The following SPECC1 variants were observed in gnomAD, a reference collection of about 807,000 sequenced individuals.
The protein encoded by SPECC1 is sperm antigen with calponin homology and coiled-coil domains 1.
Under a neutral mutation model 104.1 loss-of-function variants are expected in SPECC1, and 62 were observed. The observed-to-expected ratio is 0.60, with a 90% CI of 0.49 to 0.74. SPECC1 has a LOEUF of 0.74. Among genes scored for constraint, SPECC1 ranks in the 30% least tolerant of loss-of-function variants. The pLI is 0.00. For missense variants in SPECC1, 1,306 were observed against 1,310.5 expected (o/e 1.00, Z 0.05); for synonymous variants, 513 against 501.6 (o/e 1.02, Z -0.30).
intron 9 of SPECC1, among the ~76,000 whole-genome samples, chr17:20,253,153 A>G (rs926383229): frequency 1.3e-5 from 2 of 151,846 alleles, no homozygotes; most frequent in South Asian, 4.1e-4. Flanking sequence ...TCATATACCT[A>G]TTAACCATTA....
chr17:20,151,794 A>G (rs138381495), intron 3 of SPECC1, among the ~76,000 whole-genome samples: 218 of 152,328 alleles, frequency 1.4e-3, no homozygotes, highest in African/African-American at 5.1e-3. Context: ...CATGCCTGTA[A>G]TCCCAGCACT....
intron 1 of SPECC1, among the ~76,000 whole-genome samples, chr17:20,019,244 A>T (rs1412990810): frequency 6.8e-6 from 1 of 147,848 alleles, no homozygotes; most frequent in Non-Finnish European, 1.5e-5. Flanking sequence ...TTATTTATTT[A>T]TTTATTTATT....
rs373578290 is a variant in SPECC1, at chr17:20,227,460, C to T, written c.1911C>T (p.Ala637=). ...TGAAGGAGATATGTGATCACCAAGC[C>T]GAACAGCTGAGCAGAACCAGCCTAA... ...SYLKEICDHQ[A]EQLSRTSLKL... Residue 637 remains alanine, a synonymous_variant, in exon 5 of 15, where the codon GCC becomes GCT. Coordinates refer to ENST00000395527, the MANE Select transcript of SPECC1 (RefSeq NM_001243439.2). 12 of 1,613,284 alleles carry T rather than the reference C, an allele frequency of 7.4e-6. No homozygotes were observed. The highest frequency in any genetic ancestry group is 1.7e-5 in the Admixed American group (1 of 59,784).
intron 1 of SPECC1, among the ~76,000 whole-genome samples, chr17:20,037,523 G>C (rs2045140926): frequency 6.6e-6 from 1 of 151,198 alleles, no homozygotes; most frequent in Admixed American, 6.6e-5. Flanking sequence ...CTGCAGAGCA[G>C]AGCTACCCAT....
At position 20,247,991 on chromosome 17, in the gene SPECC1, G is replaced by A. The variant is rs144978596; in HGVS notation, c.2598+672G>A. Among the ~76,000 whole-genome samples, 249 of 152,260 alleles carry A rather than the reference G, an allele frequency of 1.6e-3. 1 individual carries two copies. The highest frequency in any genetic ancestry group is 2.7e-3 in the Non-Finnish European group (181 of 68,014). ...AGGAGCTTCTGTTTCTGCCAGAATC[G>A]GGAAGTCTTTCTCTAAGTGCTTACC... On this transcript the variant is annotated intron_variant, in intron 9 of 14. Coordinates refer to ENST00000395527, the MANE Select transcript of SPECC1 (RefSeq NM_001243439.2).
chr17:20,131,793 G>A (rs988171195), intron 3 of SPECC1, among the ~76,000 whole-genome samples: 1 of 151,822 alleles, frequency 6.6e-6, no homozygotes, highest in Admixed American at 6.6e-5. Flanking sequence ...GGGATTACAG[G>A]TGCGCACCAC....
At chr17:20,209,434 C>T (rs1045773843) in intron 4 of SPECC1, among the ~76,000 whole-genome samples, 4 of 152,064 alleles carry the variant, frequency 2.6e-5, no homozygotes, top group African/African-American at 7.2e-5. Flanking sequence ...ACCCAGATAC[C>T]GTCAAAAGAA....
chr17:20,300,776 C>G (rs1463583699), intron 13 of SPECC1, among the ~76,000 whole-genome samples: 1 of 152,210 alleles, frequency 6.6e-6, no homozygotes, highest in East Asian at 1.9e-4. Context: ...TCCCTACATG[C>G]AGGGTTGAAT....
At position 20,317,259 on chromosome 17, in the gene SPECC1, A is replaced by ATTTTTTTTTTTTTTTTTTC. The variant is rs2042053108; in HGVS notation, c.*3212_*3213insCTTTTTTTTTTTTTTTTTT. 2.9e-5 allele frequency: 2 copies of ATTTTTTTTTTTTTTTTTTC among 69,506 alleles called. 1 individual carries two copies. Among genetic ancestry groups the ATTTTTTTTTTTTTTTTTTC allele is most frequent in the Non-Finnish European group, 4.7e-5 (2 of 42,610 alleles). 4.3% of individuals were successfully genotyped at this position (69,506 alleles called of 1,614,324 possible). On this transcript the variant is annotated 3_prime_UTR_variant, in exon 15 of 15. Coordinates refer to ENST00000395527, the MANE Select transcript of SPECC1 (RefSeq NM_001243439.2). Reference sequence around the variant, plus strand: ...GCAAGACCTCTGACTCTATAAAAAAATTTTTTTTTTTTTTTTTTTTTGAGA... The same window carrying ATTTTTTTTTTTTTTTTTTC: ...GCAAGACCTCTGACTCTATAAAAAAATTTTTTTTTTTTTTTTTTCTTTTTTTTTTTTTTTTTTTTTGAGA...
intron 11 of SPECC1, 63 bp from the exon 12 acceptor site, chr17:20,260,127 TTG>T: frequency 7.6e-7 from 1 of 1,307,398 alleles, no homozygotes; most frequent in Non-Finnish European, 1.1e-6. Flanking sequence ...TATTTATTTC[TTG>T]TGTATTTGAG....
chr17:20,146,908 AAAAACAAAAC>A (rs139003926), intron 3 of SPECC1, among the ~76,000 whole-genome samples: 1 of 151,980 alleles, frequency 6.6e-6, no homozygotes, highest in South Asian at 2.1e-4. Flanking sequence ...CTCTGTCTCA[AAAAACAAAAC>A]AAAACAAAAC....
rs1284927225 is a variant in SPECC1 at position 20,204,663 on chromosome 17, C to CT, written c.615dup (p.Asp206Ter). ...AAAAGGACTCTGAACGCTGAGGGGACTGATGCTTTGGGCCCAAATGTCGAT... is the reference window on the plus strand; with the variant it reads ...AAAAGGACTCTGAACGCTGAGGGGACTTGATGCTTTGGGCCCAAATGTCGAT... On this transcript the variant is annotated frameshift_variant, in exon 4 of 15. Coordinates refer to ENST00000395527, the MANE Select transcript of SPECC1 (RefSeq NM_001243439.2). LOFTEE classifies it high-confidence loss of function. 1 of 1,613,860 alleles carries CT rather than the reference C, an allele frequency of 6.2e-7. No homozygotes were observed. The highest frequency in any genetic ancestry group is 1.3e-5 in the African/African-American group (1 of 74,852).
At chr17:20,201,721 A>G (rs2151330878) in intron 3 of SPECC1, among the ~76,000 whole-genome samples, 1 of 152,356 alleles carries the variant, frequency 6.6e-6, no homozygotes, top group African/African-American at 2.4e-5. Context: ...TTATTTCACA[A>G]GAATAATTAA....
At chr17:20,197,457 G>C (rs150647924) in intron 3 of SPECC1, among the ~76,000 whole-genome samples, 57 of 152,096 alleles carry the variant, frequency 3.7e-4, no homozygotes, top group Admixed American at 5.9e-4. Context: ...AACCCGAACT[G>C]CTACTGTGAA....
chr17:20,157,767 T>C (rs1368286153), intron 3 of SPECC1, among the ~76,000 whole-genome samples: 2 of 152,184 alleles, frequency 1.3e-5, no homozygotes, highest in Non-Finnish European at 2.9e-5. Context: ...TTTTATTGTA[T>C]TTTTCAAAGA....
intron 1 of SPECC1, among the ~76,000 whole-genome samples, chr17:20,066,957 C>T (rs2046379943): frequency 7.5e-6 from 1 of 133,426 alleles, no homozygotes; most frequent in South Asian, 2.4e-4. Context: ...TTTTATGTTG[C>T]CCAGGCGGGT....
intron 1 of SPECC1, among the ~76,000 whole-genome samples, chr17:20,022,878 A>G (rs1298610315): frequency 6.6e-6 from 1 of 152,254 alleles, no homozygotes; most frequent in South Asian, 2.1e-4. Context: ...AGAACACAGT[A>G]GTAGCTGCTG....
intron 7 of SPECC1, among the ~76,000 whole-genome samples, chr17:20,236,638 AG>A (rs1229349078): frequency 1.4e-5 from 2 of 145,384 alleles, no homozygotes; most frequent in Non-Finnish European, 3.0e-5. Context: ...AGCCTAGTAC[AG>A]GCATTTGCAG....
intron 3 of SPECC1, chr17:20,111,942 C>T: frequency 1.3e-6 from 1 of 793,016 alleles, no homozygotes; most frequent in South Asian, 1.3e-5. Flanking sequence ...ATAAAAGCCA[C>T]CAGTGTGTAT....
Sources: gnomAD v4.1 joint callset for allele counts (sites outside exome capture counted in the v4.1 genomes callset) on GRCh38, gnomAD v4.1.1 for gene constraint, MANE v1.5 for transcripts, NCBI Gene and HGNC (gene_info 2026-07-23, HGNC 2026-07-21) for gene names.